Variants in POLN observed in about 807,000 individuals in gnomAD.
The protein encoded by POLN is DNA polymerase nu.
Under a neutral mutation model 113.5 loss-of-function variants are expected in POLN, and 108 were observed. That is an observed-to-expected ratio of 0.95 (90% CI 0.81 to 1.12). The LOEUF (loss-of-function observed/expected upper bound fraction) is 1.12, where lower values mean the gene tolerates loss of function less well. Ranked by LOEUF, POLN falls within the 50% of genes most tolerant of loss-of-function variation. POLN has a pLI of 0.00. For synonymous variants in POLN, 386 were observed against 391.5 expected (o/e 0.99, Z 0.17); for missense variants, 1,097 against 1,077.1 (o/e 1.02, Z -0.26).
chr4:2,131,064 A>G (rs1731715612), intron 17 of POLN, among the ~76,000 whole-genome samples, 169 bp downstream of exon 17: 1 of 152,146 alleles, frequency 6.6e-6, no homozygotes, highest in South Asian at 2.1e-4. Context: ...GTGTGCCTGT[A>G]GGCCCAGCTA....
intron 13 of POLN, among the ~76,000 whole-genome samples, chr4:2,163,266 C>G (rs1007632179): frequency 3.3e-5 from 5 of 152,204 alleles, no homozygotes; most frequent in Admixed American, 1.3e-4. Flanking sequence ...GAAAAGCTAT[C>G]CCTAGGTGGG....
chr4:2,202,892 G>A (rs982007867), intron 5 of POLN, among the ~76,000 whole-genome samples: 6 of 152,124 alleles, frequency 3.9e-5, no homozygotes, highest in African/African-American at 1.4e-4. Context: ...CAGCAAAGCA[G>A]TAATAATGGG....
intron 19 of POLN, among the ~76,000 whole-genome samples, chr4:2,120,557 G>A (rs1199005581): frequency 1.3e-5 from 2 of 151,772 alleles, no homozygotes; most frequent in South Asian, 2.1e-4. Context: ...GTAGTGGCGC[G>A]ATCTCAGATC....
intron 19 of POLN, among the ~76,000 whole-genome samples, chr4:2,097,167 T>C (rs960709005): frequency 6.6e-6 from 1 of 152,188 alleles, no homozygotes; most frequent in African/African-American, 2.4e-5. Flanking sequence ...GGTGAAACAA[T>C]GACAAGTGCC....
At chr4:2,098,986 A>G (rs1431925862) in intron 19 of POLN, among the ~76,000 whole-genome samples, 5 of 152,284 alleles carry the variant, frequency 3.3e-5, no homozygotes, top group African/African-American at 1.2e-4. Context: ...CAACTGAAAG[A>G]GGTCCCAATG....
At chr4:2,185,119 A>T (rs1733238865) in intron 7 of POLN, among the ~76,000 whole-genome samples, 1 of 152,198 alleles carries the variant, frequency 6.6e-6, no homozygotes, top group African/African-American at 2.4e-5. Context: ...CAATTAAGGA[A>T]CCTAGACAAT....
chr4:2,141,947 C>T (rs1223386957), intron 16 of POLN, among the ~76,000 whole-genome samples: 2 of 152,192 alleles, frequency 1.3e-5, no homozygotes, highest in African/African-American at 4.8e-5. Flanking sequence ...CAGAGCCTTT[C>T]AAAGACTCTT....
intron 16 of POLN, among the ~76,000 whole-genome samples, chr4:2,151,083 G>A (rs544410716): frequency 6.6e-6 from 1 of 152,334 alleles, no homozygotes; most frequent in Non-Finnish European, 1.5e-5. Context: ...TAAAGGACTT[G>A]TATCTAGAAT....
rs776610649 is a variant in POLN at position 2,174,737 on chromosome 4, C to T, written c.1263G>A (p.Trp421Ter). 2 of 1,603,792 alleles carry T rather than the reference C, an allele frequency of 1.2e-6. No homozygotes were observed. Among genetic ancestry groups the T allele is most frequent in the Non-Finnish European group, 1.7e-6 (2 of 1,171,352 alleles). The change falls in exon 10 of 26, where the codon TGG becomes TGA. Residue 421 changes from tryptophan to a stop codon, truncating the protein, a stop_gained. Coordinates refer to ENST00000511885, the MANE Select transcript of POLN (RefSeq NM_181808.4). LOFTEE classifies it high-confidence loss of function. ...LCSKLKDYGL[W>*]QLFRTLELPL... Reference sequence around the variant, plus strand: ...GAAGCTCCAAAGTACGAAATAGTTGCCATAAACCATAATCCTGTTTAATAG... The same window carrying T: ...GAAGCTCCAAAGTACGAAATAGTTGTCATAAACCATAATCCTGTTTAATAG...
chr4:2,168,058 C>A (rs183611123), intron 13 of POLN, among the ~76,000 whole-genome samples: 61 of 152,140 alleles, frequency 4.0e-4, no homozygotes, highest in African/African-American at 1.5e-3. Context: ...AAAAATAATA[C>A]GTCTCAAAAC....
intron 19 of POLN, among the ~76,000 whole-genome samples, chr4:2,100,955 A>G (rs1006613550): frequency 6.6e-6 from 1 of 152,250 alleles, no homozygotes; most frequent in Non-Finnish European, 1.5e-5. Context: ...ATACATATAC[A>G]GAGTAGAACA....
rs60528241 is a variant in POLN at position 2,096,730 on chromosome 4, G to GAC, written c.1983-799_1983-798dup. On this transcript the variant is annotated intron_variant, in intron 19 of 25. Coordinates refer to ENST00000511885, the MANE Select transcript of POLN (RefSeq NM_181808.4). ...AGAGAGAGAGAGAGAGAGAGAGAGA[G>GAC]ACACACAGAGAGAAACAGAAAAAGT... 2.7e-3 allele frequency among the ~76,000 whole-genome samples: 394 copies of GAC among 145,434 alleles called. 2 individuals carry two copies. The highest frequency in any genetic ancestry group is 7.0e-3 in the African/African-American group (272 of 38,862).
At chr4:2,202,723 CAAAAAAAAAAA>C (rs34712930) in intron 5 of POLN, among the ~76,000 whole-genome samples, 5 of 36,850 alleles carry the variant, frequency 1.4e-4, no homozygotes, top group Admixed American at 9.2e-4. Flanking sequence ...GACTCTGTCT[CAAAAAAAAAAA>C]AAAAAAAAAA....
intron 3 of POLN, among the ~76,000 whole-genome samples, chr4:2,225,879 T>C (rs1734374587): frequency 6.6e-6 from 1 of 151,700 alleles, no homozygotes; most frequent in African/African-American, 2.4e-5. Flanking sequence ...CAAGTGCCTG[T>C]AGTCCCAGCT....
intron 16 of POLN, among the ~76,000 whole-genome samples, chr4:2,134,581 C>T (rs1417760749): frequency 6.6e-6 from 1 of 152,118 alleles, no homozygotes; most frequent in Non-Finnish European, 1.5e-5. Context: ...GTAGTGGGAT[C>T]TCATTATTGT....
intron 6 of POLN, among the ~76,000 whole-genome samples, chr4:2,196,550 T>C (rs972977527): frequency 4.0e-5 from 6 of 151,618 alleles, no homozygotes; most frequent in African/African-American, 1.5e-4. Context: ...AAGTCAACTG[T>C]AGAAGGACAT....
At chr4:2,106,048 C>CTAT (rs1731058769) in intron 19 of POLN, among the ~76,000 whole-genome samples, 2 of 152,100 alleles carry the variant, frequency 1.3e-5, no homozygotes, top group South Asian at 4.2e-4. Context: ...TACTCCGGTA[C>CTAT]TCTTTTTTTT....
intron 19 of POLN, among the ~76,000 whole-genome samples, chr4:2,096,773 A>G (rs116246139): frequency 0.011 from 1,690 of 150,192 alleles, 37 homozygotes; most frequent in African/African-American, 0.04. Context: ...ACTTCTCCCA[A>G]TCTGTTTTGT....
At chr4:2,182,797 A>C (rs1186138885) in intron 7 of POLN, among the ~76,000 whole-genome samples, 1 of 150,538 alleles carries the variant, frequency 6.6e-6, no homozygotes, top group Non-Finnish European at 1.5e-5. Context: ...CAAATAACAA[A>C]AGAAAACACA....
Sources: allele counts gnomAD v4.1 joint callset (sites outside exome capture counted in the v4.1 genomes callset), GRCh38; gene constraint gnomAD v4.1.1; transcripts MANE v1.5; gene names NCBI Gene and HGNC (gene_info 2026-07-23, HGNC 2026-07-21).